CPNE8: variants seen among roughly 807,000 people sequenced by gnomAD.
CPNE8 encodes copine-8.
A neutral mutation model predicts 81.5 loss-of-function variants in CPNE8; 45 were observed. That is an observed-to-expected ratio of 0.55 (90% CI 0.44 to 0.71). CPNE8 has a LOEUF of 0.71. Ranked by LOEUF, CPNE8 falls within the 30% of genes least tolerant of loss-of-function variation. CPNE8 has a pLI of 0.00. For synonymous variants in CPNE8, 252 were observed against 226.3 expected, an observed-to-expected ratio of 1.11 and a Z score of -1.02; for missense variants, 594 against 672.1, an observed-to-expected ratio of 0.88 and a Z score of 1.28.
intron 10 of CPNE8, among the ~76,000 whole-genome samples, chr12:38,743,583 G>C (rs776905697): frequency 5.3e-5 from 8 of 151,944 alleles, no homozygotes; most frequent in Non-Finnish European, 8.8e-5. Flanking sequence ...CTATTTGAAG[G>C]CTTGATTTTC....
intron 6 of CPNE8, among the ~76,000 whole-genome samples, chr12:38,786,755 T>C (rs886397053): frequency 6.6e-6 from 1 of 152,122 alleles, no homozygotes; most frequent in East Asian, 1.9e-4. Context: ...AAGGTCACTA[T>C]ATAAAGATAA....
intron 13 of CPNE8, among the ~76,000 whole-genome samples, chr12:38,710,182 AC>A (rs1158790036): frequency 6.7e-6 from 1 of 150,162 alleles, no homozygotes; most frequent in African/African-American, 2.5e-5. Context: ...ATTCAAGAAC[AC>A]CTTATCAAAA....
At chr12:38,751,481 G>T (rs1181298285) in intron 10 of CPNE8, among the ~76,000 whole-genome samples, 1 of 151,874 alleles carries the variant, frequency 6.6e-6, no homozygotes, top group African/African-American at 2.4e-5. Flanking sequence ...TTTGTTGTAC[G>T]ATATTTTTAC....
chr12:38,785,701 A>T (rs1042891233), intron 6 of CPNE8, among the ~76,000 whole-genome samples: 4 of 152,238 alleles, frequency 2.6e-5, no homozygotes, highest in African/African-American at 9.6e-5. Context: ...TGTCTTTATT[A>T]GCACCATGAG....
intron 16 of CPNE8, among the ~76,000 whole-genome samples, chr12:38,684,209 A>G (rs769551696): frequency 2.6e-5 from 4 of 152,170 alleles, no homozygotes; most frequent in Non-Finnish European, 5.9e-5. Context: ...CATTACTTAC[A>G]TCGGCTAGTA....
intron 19 of CPNE8, among the ~76,000 whole-genome samples, chr12:38,668,923 A>G (rs1419251203): frequency 2.0e-5 from 3 of 151,998 alleles, no homozygotes; most frequent in Non-Finnish European, 4.4e-5. Context: ...GCATGGTGGC[A>G]GGCACCTGTA....
rs545313361 is a variant in CPNE8, at chr12:38,798,884, G to A, written c.408-22583C>T. On this transcript the variant is annotated intron_variant, in intron 6 of 19. Transcript: ENST00000331366. ...CCAAGCAAATGGAAAACAAAAAAAGGCAGGGGTTGAAATCCCAGTCTCTGA... is the reference window on the plus strand; with the variant it reads ...CCAAGCAAATGGAAAACAAAAAAAGACAGGGGTTGAAATCCCAGTCTCTGA... 1.0e-3 allele frequency among the ~76,000 whole-genome samples: 159 copies of A among 152,220 alleles called. 4 individuals carry two copies. The South Asian group carries it at 0.015, about 15-fold the overall frequency.
At chr12:38,711,086 CG>C (rs1469758009) in intron 13 of CPNE8, among the ~76,000 whole-genome samples, 4 of 152,048 alleles carry the variant, frequency 2.6e-5, no homozygotes, top group Non-Finnish European at 5.9e-5. Flanking sequence ...TTCTAAGTTT[CG>C]AAGAAAAGTT....
intron 10 of CPNE8, among the ~76,000 whole-genome samples, chr12:38,735,839 A>AT (rs1430818477): frequency 3.3e-5 from 5 of 151,968 alleles, no homozygotes; most frequent in Admixed American, 6.6e-5. Flanking sequence ...AGCAAAAATA[A>AT]TTTTTTCTTC....
intron 13 of CPNE8, among the ~76,000 whole-genome samples, chr12:38,705,344 G>A (rs922218336): frequency 3.9e-5 from 6 of 151,932 alleles, no homozygotes; most frequent in Admixed American, 2.6e-4. Flanking sequence ...CAAATATTCG[G>A]CCTGGAAAGA....
At chr12:38,788,432 A>G (rs957831787) in intron 6 of CPNE8, among the ~76,000 whole-genome samples, 1 of 151,930 alleles carries the variant, frequency 6.6e-6, no homozygotes, top group Non-Finnish European at 1.5e-5. Flanking sequence ...AAACCTTTAA[A>G]AAGTGGGTAT....
intron 4 of CPNE8, among the ~76,000 whole-genome samples, chr12:38,847,328 T>C (rs1943575869): frequency 6.6e-6 from 1 of 151,866 alleles, no homozygotes; most frequent in African/African-American, 2.4e-5. Flanking sequence ...AAATTAAGAG[T>C]CCCATGCTGG....
In CPNE8 at chr12:38,715,076, A is replaced by AT. The variant is rs536899751; in HGVS notation, c.914+8695dup. 3.4e-3 allele frequency among the ~76,000 whole-genome samples: 516 copies of AT among 152,104 alleles called. 3 individuals are homozygous for AT. The highest frequency in any genetic ancestry group is 0.012 in the African/African-American group (494 of 41,550). On this transcript the variant is annotated intron_variant, in intron 13 of 19. Coordinates refer to ENST00000331366, the MANE Select transcript of CPNE8 (RefSeq NM_153634.3). Reference sequence around the variant, plus strand: ...CATTTTTATAATTTTTGATTCCATTATTTTTTTGTGAGAAGAAACAAGAAG... The same window carrying AT: ...CATTTTTATAATTTTTGATTCCATTATTTTTTTTGTGAGAAGAAACAAGAAG...
At chr12:38,734,476 A>T (rs1940908438) in intron 10 of CPNE8, among the ~76,000 whole-genome samples, 1 of 152,046 alleles carries the variant, frequency 6.6e-6, no homozygotes, top group Non-Finnish European at 1.5e-5. Flanking sequence ...TTTTTGGCAC[A>T]TCTGAAGATT....
At chr12:38,763,013 T>A (rs987827651) in intron 8 of CPNE8, among the ~76,000 whole-genome samples, 1 of 152,142 alleles carries the variant, frequency 6.6e-6, no homozygotes, top group Admixed American at 6.5e-5. Flanking sequence ...CGCCTGCCAC[T>A]GCACCCAACT....
intron 19 of CPNE8, among the ~76,000 whole-genome samples, chr12:38,657,423 T>C (rs1938846110): frequency 6.6e-6 from 1 of 152,146 alleles, no homozygotes; most frequent in African/African-American, 2.4e-5. Context: ...GCCTACTGCC[T>C]CTATAAACGC....
chr12:38,873,181 GC>G, intron 2 of CPNE8, 131 bp from the exon 3 acceptor site: 1 of 530,462 alleles, frequency 1.9e-6, no homozygotes, highest in Non-Finnish European at 3.3e-6. Flanking sequence ...ACTTACCCTT[GC>G]AAAAAAAAAA....
chr12:38,874,792 A>T (rs572283985), intron 1 of CPNE8, among the ~76,000 whole-genome samples: 1 of 152,264 alleles, frequency 6.6e-6, no homozygotes, highest in South Asian at 2.1e-4. Context: ...CTAAGATTAA[A>T]ATCTCTTTGA....
intron 1 of CPNE8, among the ~76,000 whole-genome samples, chr12:38,886,395 A>G (rs536333665): frequency 1.3e-5 from 2 of 152,366 alleles, no homozygotes; most frequent in African/African-American, 2.4e-5. Context: ...TAAATATTGG[A>G]AAAACTATCT....
Sources: allele counts gnomAD v4.1 joint callset (sites outside exome capture counted in the v4.1 genomes callset), GRCh38; gene constraint gnomAD v4.1.1; transcripts MANE v1.5; gene names NCBI Gene and HGNC (gene_info 2026-07-23, HGNC 2026-07-21).